KCNMB3: variants seen among roughly 807,000 people sequenced by gnomAD.
KCNMB3 encodes calcium-activated potassium channel subunit beta-3.
KCNMB3 carries 18 observed loss-of-function variants against 11.9 expected under a neutral mutation model. The ratio of observed to expected loss-of-function variants is 1.51; its 90% CI spans 1.04 to 2.23. The LOEUF (loss-of-function observed/expected upper bound fraction) is 2.23. Among genes scored for constraint, KCNMB3 ranks in the 30% most tolerant of loss-of-function variants. The pLI, the probability that KCNMB3 is intolerant of heterozygous loss-of-function variation, is 0.00. For missense variants in KCNMB3, 247 were observed against 329.4 expected (o/e 0.75, Z 1.94); for synonymous variants, 78 against 119.2 (o/e 0.65, Z 2.25).
chr3:179,250,917 G>C lies in KCNMB3; in HGVS notation c.74C>G (p.Ser25Ter), dbSNP rs1408531737. Residue 25 changes from serine (S) to a stop codon, truncating the protein, a stop_gained, in exon 1 of 3, where the codon TCA (serine) becomes TGA (stop). Coordinates refer to ENST00000392685, the MANE Select transcript of KCNMB3 (RefSeq NM_171830.2). LOFTEE classifies it high-confidence loss of function. Reference protein sequence around the residue: ...PFPQRTAFPASGKKRETDYSD... With the variant: ...PFPQRTAFPA ...GTAGTCTGTCTCTCTCTTCTTCCCTGAGGCAGGAAAGGCTGTCCTTTGGGG... is the reference window on the plus strand; with the variant it reads ...GTAGTCTGTCTCTCTCTTCTTCCCTCAGGCAGGAAAGGCTGTCCTTTGGGG... 1 of 1,614,102 alleles carries C rather than the reference G, an allele frequency of 6.2e-7. No individual in the cohort carries two copies. The highest frequency in any genetic ancestry group is 1.1e-5 in the South Asian group (1 of 91,070).
exon 1 of KCNMB3, chr3:179,266,755 G>A: frequency 1.2e-6 from 2 of 1,609,260 alleles, no homozygotes; most frequent in Non-Finnish European, 1.7e-6. Flanking sequence ...CCTGAGTCAT[G>A]CCCCTGCGGG....
chr3:179,256,011 T>G (rs1725999363), upstream of KCNMB3, among the ~76,000 whole-genome samples: 1 of 152,238 alleles, frequency 6.6e-6, no homozygotes, highest in Non-Finnish European at 1.5e-5. Context: ...AAACTGAGTT[T>G]GTCCTTGATA....
At chr3:179,262,233 T>C (rs1274038515) in intron 1 of KCNMB3, among the ~76,000 whole-genome samples, 1 of 152,246 alleles carries the variant, frequency 6.6e-6, no homozygotes, top group Non-Finnish European at 1.5e-5. Flanking sequence ...TATAGAATAC[T>C]CACTTCTACA....
exon 1 of KCNMB3, chr3:179,266,915 TGGC>T: frequency 7.1e-7 from 1 of 1,413,762 alleles, no homozygotes; most frequent in Non-Finnish European, 9.2e-7. Context: ...TGCAGACTCC[TGGC>T]AAGGCGGAGC....
chr3:179,259,138 T>C (rs900239755), intron 1 of KCNMB3: 3 of 1,577,586 alleles, frequency 1.9e-6, no homozygotes, highest in Non-Finnish European at 2.6e-6. Context: ...TCATGGTTTT[T>C]TAGGCTATTG....
At chr3:179,243,402 G>A in intron 2 of KCNMB3, 118 bp from the exon 3 acceptor site, 1 of 680,892 alleles carries the variant, frequency 1.5e-6, no homozygotes, top group East Asian at 2.6e-5. Flanking sequence ...TTCAATCTTA[G>A]AAGGTGGTAA....
intron 1 of KCNMB3, among the ~76,000 whole-genome samples, chr3:179,257,940 A>C (rs1323387733): frequency 6.6e-6 from 1 of 152,102 alleles, no homozygotes; most frequent in Non-Finnish European, 1.5e-5. Context: ...GCTGGAGTAC[A>C]ATGGCTTGAT....
chr3:179,265,446 A>G lies in KCNMB3; in HGVS notation c.62+1203T>C, dbSNP rs532354475. On this transcript the variant is annotated intron_variant, in intron 1 of 3. Coordinates refer to the KCNMB3 transcript ENST00000349697. ...GTGAGTGAACCTGGTTCTGAAATGTACCCCTCCCAACAGGTTTTTCTTTGT... is the reference window on the plus strand; with the variant it reads ...GTGAGTGAACCTGGTTCTGAAATGTGCCCCTCCCAACAGGTTTTTCTTTGT... Among the ~76,000 whole-genome samples the G allele has an allele frequency of 9.2e-5, 14 of 152,112 alleles. No individual in the cohort carries two copies. In the South Asian group the frequency reaches 2.7e-3, roughly 29 times the overall value.
chr3:179,250,319 T>A (rs1021234733), intron 1 of KCNMB3, among the ~76,000 whole-genome samples: 1 of 152,210 alleles, frequency 6.6e-6, no homozygotes, highest in East Asian at 1.9e-4. Context: ...AGGAAACTAA[T>A]ATGTATTGAG....
intron 1 of KCNMB3, among the ~76,000 whole-genome samples, chr3:179,263,339 G>A (rs1439456924): frequency 2.7e-5 from 4 of 150,866 alleles, no homozygotes; most frequent in African/African-American, 7.4e-5. Context: ...CCTGGAACTC[G>A]GACTGGCCCG....
downstream of KCNMB3, chr3:179,239,939 T>G: frequency 1.9e-6 from 2 of 1,055,018 alleles, no homozygotes; most frequent in South Asian, 1.4e-5. Context: ...ATCACTAAAT[T>G]TAAGACCTCT....
At chr3:179,265,502 G>T (rs150284480) in intron 1 of KCNMB3, among the ~76,000 whole-genome samples, 100 of 152,290 alleles carry the variant, frequency 6.6e-4, no homozygotes, top group African/African-American at 2.2e-3. Context: ...TGTCGCCCAG[G>T]CTGGAGTGCA....
intron 1 of KCNMB3, among the ~76,000 whole-genome samples, chr3:179,247,683 G>A (rs1163340235): frequency 6.6e-6 from 1 of 152,118 alleles, no homozygotes; most frequent in Non-Finnish European, 1.5e-5. Context: ...GGTTGATCAG[G>A]AGCAGCACAG....
intron 1 of KCNMB3, among the ~76,000 whole-genome samples, chr3:179,245,428 A>G (rs1275899388): frequency 2.0e-5 from 3 of 151,934 alleles, no homozygotes; most frequent in Non-Finnish European, 2.9e-5. Context: ...GCTATATCCA[A>G]TTCATCCGTA....
chr3:179,248,824 T>C (rs888254412), intron 1 of KCNMB3, among the ~76,000 whole-genome samples: 1 of 151,942 alleles, frequency 6.6e-6, no homozygotes, highest in African/African-American at 2.4e-5. Context: ...TATGTTTATA[T>C]GTATTATATA....
chr3:179,252,519 A>G (rs779676906), upstream of KCNMB3, among the ~76,000 whole-genome samples: 8 of 152,240 alleles, frequency 5.3e-5, no homozygotes, highest in Non-Finnish European at 1.0e-4. Context: ...TAAAGCGAGT[A>G]AAAGGAATGT....
chr3:179,263,145 G>A lies in KCNMB3; in HGVS notation c.62+3504C>T, dbSNP rs145445972. On this transcript the variant is annotated intron_variant, in intron 1 of 3. Transcript: ENST00000349697. ...AGGCTCGGGCGGCACAGGAGCCCACGGAGGCGGGGGGAGGCTCAGGTATGG... is the reference window on the plus strand; with the variant it reads ...AGGCTCGGGCGGCACAGGAGCCCACAGAGGCGGGGGGAGGCTCAGGTATGG... Among the ~76,000 whole-genome samples the A allele has an allele frequency of 2.1e-3, 318 of 152,352 alleles. 3 individuals carry two copies. The highest frequency in any genetic ancestry group is 7.2e-3 in the African/African-American group (298 of 41,590).
intron 1 of KCNMB3, among the ~76,000 whole-genome samples, chr3:179,262,914 T>C (rs1207785931): frequency 1.3e-5 from 2 of 152,234 alleles, no homozygotes; most frequent in Non-Finnish European, 2.9e-5. Flanking sequence ...CAGTACCAAT[T>C]GGTGTATTTA....
intron 1 of KCNMB3, among the ~76,000 whole-genome samples, chr3:179,256,857 T>C (rs1726026387): frequency 6.6e-6 from 1 of 152,114 alleles, no homozygotes; most frequent in South Asian, 2.1e-4. Context: ...GAGTAAATGA[T>C]CCAGTTAAAA....
Sources: allele counts gnomAD v4.1 joint callset (sites outside exome capture counted in the v4.1 genomes callset), GRCh38; gene constraint gnomAD v4.1.1; transcripts MANE v1.5; gene names NCBI Gene and HGNC (gene_info 2026-07-23, HGNC 2026-07-21).